The following MFHAS1 variants were observed in gnomAD, a reference collection of about 807,000 sequenced individuals.
MFHAS1 encodes the protein malignant fibrous histiocytoma-amplified sequence 1.
A neutral mutation model predicts 70.4 loss-of-function variants in MFHAS1; 50 were observed. The observed-to-expected ratio is 0.71, with a 90% CI of 0.57 to 0.90. The LOEUF (loss-of-function observed/expected upper bound fraction) is 0.90, where lower values mean the gene tolerates loss of function less well. Ranked by LOEUF, MFHAS1 falls within the 40% of genes least tolerant of loss-of-function variation. The pLI, the probability that MFHAS1 is intolerant of heterozygous loss-of-function variation, is 0.00. For synonymous variants in MFHAS1, 952 were observed against 620.0 expected, an observed-to-expected ratio of 1.54 and a Z score of -7.96; for missense variants, 1,795 against 1,347.6, an observed-to-expected ratio of 1.33 and a Z score of -5.20.
chr8:8,826,098 T>C (rs1020643373), intron 1 of MFHAS1, among the ~76,000 whole-genome samples: 3 of 152,198 alleles, frequency 2.0e-5, no homozygotes, highest in African/African-American at 4.8e-5. Flanking sequence ...CACATATTCA[T>C]TGTTTTTTTA....
chr8:8,891,065 A>G lies in MFHAS1; in HGVS notation c.1994T>C (p.Val665Ala). ...TGGCTGGAAATGCAGTTCCTCCAGC[A>G]CCTGCCAGGATCGAGGCAGTACTCT... ...LHRVLPRSWQ[V>A]LEELHFQPPQ... is the part of the protein sequence containing the mutation. Residue 665 changes from valine (V) to alanine (A), a missense_variant, in exon 1 of 3, where the codon GTG becomes GCG. Coordinates refer to ENST00000276282, the MANE Select transcript of MFHAS1 (RefSeq NM_004225.3). The surrounding 1 kb of genome is among the most constrained non-coding windows in gnomAD (Gnocchi z 5.4). The G allele has an allele frequency of 6.2e-7, 1 of 1,613,630 alleles. No homozygotes were observed.
chr8:8,867,074 CATAAT>C (rs1444406452), intron 1 of MFHAS1, among the ~76,000 whole-genome samples: 1 of 152,118 alleles, frequency 6.6e-6, no homozygotes, highest in East Asian at 1.9e-4. Context: ...TTCAGCTACA[CATAAT>C]ATATTAACAA....
At chr8:8,850,236 G>A (rs974558142) in intron 1 of MFHAS1, among the ~76,000 whole-genome samples, 1 of 152,020 alleles carries the variant, frequency 6.6e-6, no homozygotes. Context: ...TACACCCCTT[G>A]GTAAATGTTA....
chr8:8,847,784 C>A (rs576099454), intron 1 of MFHAS1, among the ~76,000 whole-genome samples: 1 of 152,142 alleles, frequency 6.6e-6, no homozygotes, highest in Admixed American at 6.6e-5. Flanking sequence ...TATTCCCAAC[C>A]GCTTCAGACA....
intron 2 of MFHAS1, chr8:8,790,391 G>A (rs758224942): frequency 5.0e-5 from 49 of 984,718 alleles, no homozygotes; most frequent in Non-Finnish European, 5.8e-5. Context: ...AGGAAAAGAA[G>A]CACTATCTTT....
intron 1 of MFHAS1, among the ~76,000 whole-genome samples, chr8:8,798,235 C>T (rs1585020764): frequency 6.6e-6 from 1 of 152,222 alleles, no homozygotes; most frequent in East Asian, 1.9e-4. Context: ...GGGCACCCTG[C>T]CCTTTCTCAG....
chr8:8,812,809 AG>A (rs1357465093), intron 1 of MFHAS1, among the ~76,000 whole-genome samples: 7 of 83,114 alleles, frequency 8.4e-5, no homozygotes, highest in Non-Finnish European at 1.5e-4. Flanking sequence ...GCTGTCACCC[AG>A]GCTTAGAGTG....
At chr8:8,866,499 G>C (rs1204096571) in intron 1 of MFHAS1, among the ~76,000 whole-genome samples, 2 of 151,684 alleles carry the variant, frequency 1.3e-5, no homozygotes, top group Admixed American at 6.6e-5. Flanking sequence ...TTTATTTTTT[G>C]TAGAAATGGG....
At chr8:8,824,404 T>A (rs1369463505) in intron 1 of MFHAS1, among the ~76,000 whole-genome samples, 1 of 152,022 alleles carries the variant, frequency 6.6e-6, no homozygotes, top group Non-Finnish European at 1.5e-5. Context: ...TCAGAAAAGA[T>A]CCAGTCTCCC....
intron 1 of MFHAS1, among the ~76,000 whole-genome samples, chr8:8,851,836 A>C (rs1008976960): frequency 4.6e-5 from 7 of 152,252 alleles, no homozygotes; most frequent in Admixed American, 1.3e-4. Context: ...TGCCCCCCGC[A>C]AAATAAAGAT....
At chr8:8,843,516 G>C (rs995910688) in intron 1 of MFHAS1, among the ~76,000 whole-genome samples, 3 of 152,240 alleles carry the variant, frequency 2.0e-5, no homozygotes, top group African/African-American at 7.2e-5. Context: ...AGGAGGTTAA[G>C]GCCGTAGCGA....
chr8:8,856,884 G>A (rs1228298395), intron 1 of MFHAS1, among the ~76,000 whole-genome samples: 1 of 140,328 alleles, frequency 7.1e-6, no homozygotes, highest in Non-Finnish European at 1.5e-5. Flanking sequence ...CACTGCCCTA[G>A]AAGCCACTAG....
intron 1 of MFHAS1, among the ~76,000 whole-genome samples, chr8:8,851,112 A>G (rs1322269805): frequency 6.6e-6 from 1 of 152,236 alleles, no homozygotes; most frequent in African/African-American, 2.4e-5. Flanking sequence ...CCAAGGCTAG[A>G]TGAATTACAG....
intron 1 of MFHAS1, among the ~76,000 whole-genome samples, chr8:8,885,932 T>C (rs1809734933): frequency 6.6e-6 from 1 of 152,096 alleles, no homozygotes; most frequent in Non-Finnish European, 1.5e-5. Flanking sequence ...GGCTAGGATG[T>C]TGGCCAGGAT....
intron 1 of MFHAS1, among the ~76,000 whole-genome samples, chr8:8,798,989 A>G (rs1475586089): frequency 1.3e-5 from 2 of 152,044 alleles, no homozygotes; most frequent in Non-Finnish European, 2.9e-5. Context: ...CAGAGGTTCC[A>G]GTGAGCCCAG....
chr8:8,870,996 T>C (rs1411396610), intron 1 of MFHAS1, among the ~76,000 whole-genome samples: 4 of 152,208 alleles, frequency 2.6e-5, no homozygotes, highest in African/African-American at 7.2e-5. Flanking sequence ...TCTCAGCTCA[T>C]TGCAACCTCT....
At chr8:8,838,832 C>T (rs28581487) in intron 1 of MFHAS1, among the ~76,000 whole-genome samples, 16,879 of 150,808 alleles carry the variant, frequency 0.11, 1,018 homozygotes, top group Middle Eastern at 0.15. Flanking sequence ...AAAAAATCCA[C>T]GTACCTTCAA....
intron 1 of MFHAS1, among the ~76,000 whole-genome samples, chr8:8,843,481 T>C (rs1189264020): frequency 2.0e-5 from 3 of 152,172 alleles, no homozygotes; most frequent in African/African-American, 7.2e-5. Context: ...CTCAGGATGC[T>C]GAAGCAGGAG....
chr8:8,868,182 G>T (rs945302800), intron 1 of MFHAS1, among the ~76,000 whole-genome samples: 1 of 151,864 alleles, frequency 6.6e-6, no homozygotes. Context: ...TTGCTGCAAG[G>T]CCTCTGGAAA....
Sources: allele counts gnomAD v4.1 joint callset (sites outside exome capture counted in the v4.1 genomes callset), GRCh38; gene constraint gnomAD v4.1.1; non-coding constraint Gnocchi (gnomAD v3.1); transcripts MANE v1.5; gene names NCBI Gene and HGNC (gene_info 2026-07-23, HGNC 2026-07-21).